Variants in RTN4RL1 observed in about 807,000 individuals in gnomAD.
RTN4RL1 encodes the protein reticulon 4 receptor like 1.
A neutral mutation model predicts 25.6 loss-of-function variants in RTN4RL1; 7 were observed. The ratio of observed to expected loss-of-function variants is 0.27; its 90% confidence interval spans 0.16 to 0.51. The LOEUF (loss-of-function observed/expected upper bound fraction) is 0.51, where lower values mean the gene tolerates loss of function less well. RTN4RL1 is among the 20% of genes least tolerant of loss of function. RTN4RL1 has a pLI of 0.97. For synonymous variants in RTN4RL1, 297 were observed against 288.2 expected, an observed-to-expected ratio of 1.03 and a Z score of -0.31; for missense variants, 500 against 615.6, an observed-to-expected ratio of 0.81 and a Z score of 1.99.
At chr17:1,963,801 G>A (rs1173366308) in intron 1 of RTN4RL1, among the ~76,000 whole-genome samples, 4 of 152,152 alleles carry the variant, frequency 2.6e-5, no homozygotes, top group South Asian at 2.1e-4. Context: ...GTGCGATCTC[G>A]GCTGAGCGCA....
chr17:2,004,805 T>C (rs941935304), intron 1 of RTN4RL1, among the ~76,000 whole-genome samples: 3 of 152,130 alleles, frequency 2.0e-5, no homozygotes, highest in African/African-American at 7.2e-5. Context: ...GGCATGTGTC[T>C]GTCCTGATCA....
At chr17:1,961,812 G>A (rs2066763553) in intron 1 of RTN4RL1, among the ~76,000 whole-genome samples, 2 of 141,522 alleles carry the variant, frequency 1.4e-5, no homozygotes, top group Admixed American at 7.5e-5. Context: ...GCAGGGCGTG[G>A]TGGCATGTGC....
In RTN4RL1 at chr17:1,961,550, A is replaced by C. The variant is rs76810129; in HGVS notation, c.14-23742T>G. 7.2e-5 allele frequency among the ~76,000 whole-genome samples: 11 copies of C among 152,112 alleles called. No homozygotes were observed. In the East Asian group the frequency reaches 2.1e-3, roughly 29 times the overall value. ...CACGTAAGGGACTGAGAGGAAAGAAAGGGTGGAGTCTCTTTTGTTCGTTTC... is the reference window on the plus strand; with the variant it reads ...CACGTAAGGGACTGAGAGGAAAGAACGGGTGGAGTCTCTTTTGTTCGTTTC... On this transcript the variant is annotated intron_variant, in intron 1 of 1. Coordinates refer to ENST00000331238, the MANE Select transcript of RTN4RL1 (RefSeq NM_178568.4).
chr17:1,947,221 C>T (rs1026108577), intron 1 of RTN4RL1, among the ~76,000 whole-genome samples: 3 of 152,314 alleles, frequency 2.0e-5, no homozygotes, highest in South Asian at 2.1e-4. Context: ...TGCGCACGCA[C>T]GCTTGTGTGC....
chr17:1,960,438 C>T (rs997442222), intron 1 of RTN4RL1, among the ~76,000 whole-genome samples: 1 of 152,192 alleles, frequency 6.6e-6, no homozygotes, highest in Non-Finnish European at 1.5e-5. Context: ...GCGGCCCCAC[C>T]TCCCTCTCCA....
intron 1 of RTN4RL1, among the ~76,000 whole-genome samples, chr17:1,999,044 ACTCGCCCCAGAGAGCTG>A (rs983145507): frequency 6.7e-6 from 1 of 149,756 alleles, no homozygotes; most frequent in Non-Finnish European, 1.5e-5. Flanking sequence ...AGCGATGTTC[ACTCGCCCCAGAGAGCTG>A]CTCACGCCAG....
At position 2,005,377 on chromosome 17, in the gene RTN4RL1, A is replaced by G. The variant is rs539287310; in HGVS notation, c.13+19476T>C. On this transcript the variant is annotated intron_variant, in intron 1 of 1. Coordinates refer to ENST00000331238, the MANE Select transcript of RTN4RL1 (RefSeq NM_178568.4). ...AAAGATAGGCACTGTTATTAGGCCC[A>G]TTTTACAGATGAACTCAAGTCTGGA... 9.8e-5 allele frequency among the ~76,000 whole-genome samples: 15 copies of G among 152,302 alleles called. No homozygotes were observed. In the South Asian group the frequency reaches 3.1e-3, roughly 32 times the overall value.
chr17:1,965,089 C>T (rs2066784538), intron 1 of RTN4RL1, among the ~76,000 whole-genome samples: 1 of 147,926 alleles, frequency 6.8e-6, no homozygotes, highest in Admixed American at 6.8e-5. Context: ...GCCTGGCTTA[C>T]AGTTTGCTTT....
intron 1 of RTN4RL1, among the ~76,000 whole-genome samples, chr17:1,966,934 C>G (rs1273158830): frequency 6.6e-6 from 1 of 152,198 alleles, no homozygotes; most frequent in Admixed American, 6.5e-5. Flanking sequence ...CCAGGCCTGG[C>G]CCCTGGCCTT....
chr17:1,968,015 A>C (rs771461513), intron 1 of RTN4RL1, among the ~76,000 whole-genome samples: 1 of 152,020 alleles, frequency 6.6e-6, no homozygotes, highest in Middle Eastern at 3.4e-3. Flanking sequence ...TTTCCTTGAC[A>C]CAACGCCCAC....
chr17:1,964,589 G>A (rs569263227), intron 1 of RTN4RL1, among the ~76,000 whole-genome samples: 20 of 151,864 alleles, frequency 1.3e-4, no homozygotes, highest in African/African-American at 3.6e-4. Context: ...AACATTAGCC[G>A]GGCGTGGTGG....
chr17:1,999,679 C>CG (rs1429426796), intron 1 of RTN4RL1, among the ~76,000 whole-genome samples: 3 of 151,448 alleles, frequency 2.0e-5, no homozygotes, highest in Non-Finnish European at 4.4e-5. Context: ...ACATGCCCCC[C>CG]CCACACACAC....
chr17:2,022,008 G>A (rs1412751790), intron 1 of RTN4RL1, among the ~76,000 whole-genome samples: 4 of 151,258 alleles, frequency 2.6e-5, no homozygotes, highest in African/African-American at 9.7e-5. Flanking sequence ...ACCAGTGTAT[G>A]CCACTGCAAA....
At chr17:2,012,586 TTCTC>T (rs545744619) in intron 1 of RTN4RL1, among the ~76,000 whole-genome samples, 14 of 152,090 alleles carry the variant, frequency 9.2e-5, no homozygotes, top group Middle Eastern at 3.4e-3. Flanking sequence ...CTTTTTCTCC[TTCTC>T]TCTCTGTTTT....
At chr17:2,005,883 G>C (rs1393896317) in intron 1 of RTN4RL1, among the ~76,000 whole-genome samples, 1 of 147,864 alleles carries the variant, frequency 6.8e-6, no homozygotes, top group South Asian at 2.2e-4. Flanking sequence ...TGCAACCTCC[G>C]CCACCCGGGT....
intron 1 of RTN4RL1, among the ~76,000 whole-genome samples, chr17:2,000,140 G>T (rs2066950575): frequency 6.6e-6 from 1 of 152,254 alleles, no homozygotes; most frequent in African/African-American, 2.4e-5. Flanking sequence ...TCAGGGAGAA[G>T]GCGTGTCTGC....
intron 1 of RTN4RL1, among the ~76,000 whole-genome samples, chr17:1,971,758 C>G (rs190911041): frequency 1.1e-4 from 17 of 151,712 alleles, no homozygotes; most frequent in African/African-American, 1.7e-4. Flanking sequence ...GTCAGGAGAT[C>G]GAGACCATCC....
intron 1 of RTN4RL1, among the ~76,000 whole-genome samples, chr17:1,959,032 A>G (rs1915845001): frequency 6.6e-6 from 1 of 152,176 alleles, no homozygotes; most frequent in Non-Finnish European, 1.5e-5. Flanking sequence ...CCCTCTCAAA[A>G]CACGCCGGTG....
At chr17:1,938,119 C>T (rs947116297) in intron 1 of RTN4RL1, among the ~76,000 whole-genome samples, 5 of 152,256 alleles carry the variant, frequency 3.3e-5, no homozygotes, top group Middle Eastern at 3.4e-3. Flanking sequence ...CCAGCTCTGT[C>T]ACACTGCTGG....
Sources: allele counts gnomAD v4.1 joint callset (sites outside exome capture counted in the v4.1 genomes callset), GRCh38; gene constraint gnomAD v4.1.1; transcripts MANE v1.5; gene names NCBI Gene and HGNC (gene_info 2026-07-23, HGNC 2026-07-21).